The following HOMER2 variants were observed in gnomAD, a reference collection of about 807,000 sequenced individuals.
HOMER2 encodes homer protein homolog 2.
A neutral mutation model predicts 47.0 loss-of-function variants in HOMER2; 27 were observed. That is an observed-to-expected ratio of 0.57 (90% CI 0.42 to 0.79). HOMER2 has a LOEUF of 0.79. Among genes scored for constraint, HOMER2 ranks in the 30% least tolerant of loss-of-function variants. The pLI, the probability that HOMER2 is intolerant of heterozygous loss-of-function variation, is 0.00. For synonymous variants in HOMER2, 161 were observed against 163.8 expected (o/e 0.98, Z 0.13); for missense variants, 443 against 435.0 (o/e 1.02, Z -0.16).
intron 3 of HOMER2, among the ~76,000 whole-genome samples, chr15:82,872,612 C>T (rs1469095334): frequency 2.6e-5 from 4 of 152,192 alleles, no homozygotes; most frequent in Non-Finnish European, 2.9e-5. Context: ...CCTTAGCAGC[C>T]TTACCCACCC....
intron 1 of HOMER2, among the ~76,000 whole-genome samples, chr15:82,924,816 A>G (rs1596358810): frequency 6.6e-6 from 1 of 152,228 alleles, no homozygotes; most frequent in East Asian, 1.9e-4. Context: ...AGAGGAAAAC[A>G]GAAAGGAAAA....
rs534517020 is a variant in HOMER2 at position 82,857,107 on chromosome 15, C to CG, written c.494+1921dup. On this transcript the variant is annotated intron_variant, in intron 5 of 8. Transcript: ENST00000450735. ...CCCCTAATGTGATGGTCTTAGGAGG[C>CG]GGGGGGGCGGGTGTTGAGAGGTAAC... is the stretch of plus-strand genomic sequence containing the variant. 2.0e-3 allele frequency among the ~76,000 whole-genome samples: 299 copies of CG among 151,512 alleles called. 1 individual carries two copies. Among genetic ancestry groups the CG allele is most frequent in the African/African-American group, 4.7e-3 (193 of 41,238 alleles).
rs775515730 is a variant in HOMER2 at position 82,854,645 on chromosome 15, T to G, written c.650A>C (p.Lys217Thr). ...GCTCACTGCATCCACCGTACCCACC[T>G]TGTTGCGGAGCCGGTCATTCTCATC... is the stretch of plus-strand genomic sequence containing the variant. ...CRDENDRLRN[K>T]IDELEEQCSE... is the part of the protein sequence containing the mutation. The change falls in exon 6 of 9, where the codon AAG (lysine) becomes ACG (threonine). Residue 217 changes from lysine (K) to threonine (T), a missense_variant and splice_region_variant. Coordinates refer to ENST00000450735, the MANE Select transcript of HOMER2 (RefSeq NM_004839.4). 44 of 1,611,484 alleles carry G rather than the reference T, an allele frequency of 2.7e-5. No individual in the cohort carries two copies. Among genetic ancestry groups the G allele is most frequent in the Admixed American group, 2.7e-4 (16 of 59,896 alleles).
At chr15:82,841,703 C>T (rs925412907) in exon 2 of HOMER2, 5 of 151,992 alleles carry the variant, frequency 3.3e-5, no homozygotes, top group South Asian at 2.1e-4. Context: ...CTGAAAAAGG[C>T]GAAAGAAATT....
Position 82,977,823 on chromosome 15 carries a change from G to A in HOMER2, n.82+7964C>T, listed in dbSNP as rs117196773. Among the ~76,000 whole-genome samples the A allele has an allele frequency of 1.3e-4, 20 of 152,178 alleles. No homozygotes were observed. The East Asian group carries it at 3.7e-3, about 28-fold the overall frequency. On this transcript the variant is annotated intron_variant and non_coding_transcript_variant, in intron 1 of 1. Coordinates refer to the HOMER2 transcript ENST00000500334. ...ATATATGGTTGAATGTTGACTGAGG[G>A]GAGAGGAAGTGGGAAAAAATTAGTC...
chr15:82,896,469 C>T (rs62011732), intron 1 of HOMER2, among the ~76,000 whole-genome samples: 26,634 of 152,128 alleles, frequency 0.18, 2,663 homozygotes, highest in South Asian at 0.34. Flanking sequence ...GAGCTGCCCT[C>T]GGGACCCCCA....
chr15:82,979,215 T>G (rs1029494079), intron 1 of HOMER2, among the ~76,000 whole-genome samples: 1 of 152,206 alleles, frequency 6.6e-6, no homozygotes, highest in Non-Finnish European at 1.5e-5. Context: ...TGGGTATATC[T>G]TTATTAATAA....
intron 2 of HOMER2, among the ~76,000 whole-genome samples, chr15:82,878,573 C>T (rs946752486): frequency 1.6e-4 from 24 of 152,156 alleles, no homozygotes; most frequent in African/African-American, 3.9e-4. Flanking sequence ...ATATTGCTTC[C>T]GCTCTATTCT....
At chr15:82,948,390 C>CAAA (rs71156062) in intron 1 of HOMER2, among the ~76,000 whole-genome samples, 4 of 62,434 alleles carry the variant, frequency 6.4e-5, no homozygotes, top group African/African-American at 1.7e-4. Context: ...GACTCCATCT[C>CAAA]AAAAAAAAAA....
chr15:82,856,792 G>C (rs576252141), intron 5 of HOMER2, among the ~76,000 whole-genome samples: 1 of 152,132 alleles, frequency 6.6e-6, no homozygotes, highest in Non-Finnish European at 1.5e-5. Flanking sequence ...GATCACAGCC[G>C]GGCCAGCTGA....
intron 3 of HOMER2, among the ~76,000 whole-genome samples, chr15:82,868,543 T>TATATATATATATATATATATATATATGTA (rs1567023464): frequency 2.7e-4 from 10 of 36,816 alleles, no homozygotes; most frequent in Admixed American, 9.3e-4. Flanking sequence ...ATATATATAT[T>TATATATATATATATATATATATATATGTA]TTTTTTTTTT....
chr15:82,896,082 G>A (rs2052904325), intron 1 of HOMER2, among the ~76,000 whole-genome samples: 1 of 152,160 alleles, frequency 6.6e-6, no homozygotes, highest in Admixed American at 6.5e-5. Context: ...TGTAGAGGGG[G>A]CTGGAGGTGG....
At chr15:82,868,729 T>C (rs536107023) in intron 3 of HOMER2, among the ~76,000 whole-genome samples, 10 of 150,942 alleles carry the variant, frequency 6.6e-5, no homozygotes, top group African/African-American at 2.4e-4. Flanking sequence ...TTTTGTATTT[T>C]TAGTAGAGAC....
chr15:82,844,100 T>C (rs1012812291), downstream of HOMER2: 1 of 152,382 alleles, frequency 6.6e-6, no homozygotes, highest in Non-Finnish European at 1.5e-5. Flanking sequence ...ACTGCGGAAC[T>C]GCTCATGGGC....
At chr15:82,835,490 CGT>C (rs1316797712), downstream of HOMER2, 2 of 152,372 alleles carry the variant, frequency 1.3e-5, no homozygotes, top group African/African-American at 2.4e-5. Context: ...CTGGGAGGGG[CGT>C]GAGTCCCTTT....
chr15:82,862,702 T>C (rs1323568216), intron 4 of HOMER2, among the ~76,000 whole-genome samples: 1 of 152,226 alleles, frequency 6.6e-6, no homozygotes, highest in Non-Finnish European at 1.5e-5. Flanking sequence ...GGAAAGTTCC[T>C]GTCTACCTGA....
chr15:82,952,790 C>G (rs1264710191), upstream of HOMER2: 10 of 848,882 alleles, frequency 1.2e-5, no homozygotes, highest in Non-Finnish European at 1.4e-5. Context: ...CTACCCCCGC[C>G]CGGCTCCTTA....
intron 1 of HOMER2, among the ~76,000 whole-genome samples, chr15:82,915,375 G>T (rs919028412): frequency 1.3e-5 from 2 of 152,082 alleles, no homozygotes; most frequent in African/African-American, 2.4e-5. Flanking sequence ...ACTATACCTT[G>T]ATAGAATTCA....
At chr15:82,854,603 C>T in intron 6 of HOMER2, 41 bp downstream of exon 6, 2 of 1,584,426 alleles carry the variant, frequency 1.3e-6, no homozygotes, top group South Asian at 1.1e-5. Flanking sequence ...CCACTGCCCA[C>T]ACCAGCTGGC....
Sources: gnomAD v4.1 joint callset for allele counts (sites outside exome capture counted in the v4.1 genomes callset) on GRCh38, gnomAD v4.1.1 for gene constraint, MANE v1.5 for transcripts, NCBI Gene and HGNC (gene_info 2026-07-23, HGNC 2026-07-21) for gene names.